Variants in PLEKHM1 observed in about 807,000 individuals in gnomAD.
The protein encoded by PLEKHM1 is pleckstrin homology domain-containing family M member 1.
A neutral mutation model predicts 94.3 loss-of-function variants in PLEKHM1; 28 were observed. The ratio of observed to expected loss-of-function variants is 0.30; its 90% confidence interval spans 0.22 to 0.41. The LOEUF (loss-of-function observed/expected upper bound fraction) is 0.41, where lower values mean the gene tolerates loss of function less well. PLEKHM1 is among the 10% of genes least tolerant of loss of function. The pLI is 1.00. For missense variants in PLEKHM1, 907 were observed against 1,358.6 expected (o/e 0.67, Z 5.22); for synonymous variants, 424 against 581.2 (o/e 0.73, Z 3.89).
chr17:45,453,162 G>T lies in PLEKHM1; in HGVS notation c.2497+193C>A, dbSNP rs1278559367. 4.7e-6 allele frequency: 3 copies of T among 644,788 alleles called. No individual in the cohort carries two copies. Among genetic ancestry groups the T allele is most frequent in the Middle Eastern group, 4.0e-4 (1 of 2,470 alleles). 39.9% of individuals were successfully genotyped at this position (644,788 alleles called of 1,614,324 possible). On this transcript the variant is annotated intron_variant, in intron 7 of 11. Transcript: ENST00000430334. This position sits in a 1 kb window ranked among gnomAD's most constrained non-coding sequence, Gnocchi z 4.1. ...CGGGTGAGCAGGGCCCACTGCCTAT[G>T]AGCAGGGCACTGGCCCCAGCCGGGG...
In PLEKHM1 at chr17:45,468,512, T is replaced by C; in HGVS notation, c.1005A>G (p.Pro335=). ...GLSQETEIPT[P]QASLSLHGLN... is the part of the protein sequence containing the mutation. ...GGCCATGGAGGGAGAGCGAGGCCTGTGGTGTGGGGATCTCTGTTTCTTGGC... is the reference window on the plus strand; with the variant it reads ...GGCCATGGAGGGAGAGCGAGGCCTGCGGTGTGGGGATCTCTGTTTCTTGGC... The change falls in exon 5 of 12, where the codon CCA becomes CCG. Residue 335 remains proline, a synonymous_variant. Coordinates refer to ENST00000430334, the MANE Select transcript of PLEKHM1 (RefSeq NM_014798.3). 1 of 1,614,190 alleles carries C rather than the reference T, an allele frequency of 6.2e-7. No individual in the cohort carries two copies. Among genetic ancestry groups the C allele is most frequent in the Non-Finnish European group, 8.5e-7 (1 of 1,180,026 alleles).
chr17:45,442,696 C>T (rs1793563681), intron 9 of PLEKHM1, among the ~76,000 whole-genome samples: 7 of 152,216 alleles, frequency 4.6e-5, no homozygotes, highest in Admixed American at 4.6e-4. Flanking sequence ...TGAGCCACCG[C>T]ACCTGGTCTT....
At chr17:45,434,854 A>C (rs986880589), downstream of PLEKHM1, among the ~76,000 whole-genome samples, 1 of 151,364 alleles carries the variant, frequency 6.6e-6, no homozygotes, top group African/African-American at 2.4e-5. Context: ...GGGAAGTCTC[A>C]GCTACTCAGG....
At chr17:45,487,971 A>G (rs2052182435) in intron 1 of PLEKHM1, 1 of 355,694 alleles carries the variant, frequency 2.8e-6, no homozygotes, top group Admixed American at 3.7e-5. Flanking sequence ...CTGATTCAGA[A>G]AGGCAGCTGA....
intron 5 of PLEKHM1, among the ~76,000 whole-genome samples, chr17:45,466,788 T>C (rs1409383108): frequency 6.6e-6 from 1 of 152,102 alleles, no homozygotes. Context: ...AATATGAGTA[T>C]AAATTAGCAC....
At chr17:45,451,053 C>A (rs2050760436) in intron 7 of PLEKHM1, among the ~76,000 whole-genome samples, 1 of 149,158 alleles carries the variant, frequency 6.7e-6, no homozygotes, top group African/African-American at 2.5e-5. Flanking sequence ...GCATTCAGAT[C>A]TGGGTTTGGC....
rs1335475278 is a variant in PLEKHM1, at chr17:45,453,755, C to T, written c.2097G>A (p.Met699Ile). 2 of 1,613,978 alleles carry T rather than the reference C, an allele frequency of 1.2e-6. No homozygotes were observed. Among genetic ancestry groups the T allele is most frequent in the Admixed American group, 1.7e-5 (1 of 60,024 alleles). Residue 699 changes from methionine (M) to isoleucine (I), a missense_variant, in exon 7 of 12, where the codon ATG becomes ATA. By Grantham distance (10) the Met-to-Ile change is conservative. Transcript: ENST00000430334. The surrounding 1 kb of genome is among the most constrained non-coding windows in gnomAD (Gnocchi z 4.1). ...CCAAGGACAGAGAAAATATATAGGG[C>T]ATCCAGGTCCTGTCCATGTACAAGT... is the stretch of plus-strand genomic sequence containing the variant. ...LLYLYMDRTWMPYIFSLSLEA... is the reference protein window; with the variant it reads ...LLYLYMDRTWIPYIFSLSLEA...
chr17:45,449,330 C>A (rs571205707), intron 8 of PLEKHM1, among the ~76,000 whole-genome samples: 2 of 151,998 alleles, frequency 1.3e-5, no homozygotes, highest in East Asian at 3.9e-4. Context: ...ACCCATTCAC[C>A]TAACCATCTA....
chr17:45,437,523 G>C lies in PLEKHM1; in HGVS notation c.*335C>G. The C allele has an allele frequency of 1.7e-6, 1 of 576,090 alleles. No individual in the cohort carries two copies. 35.7% of individuals were successfully genotyped at this position (576,090 alleles called of 1,614,324 possible). On this transcript the variant is annotated 3_prime_UTR_variant, in exon 12 of 12. Coordinates refer to ENST00000430334, the MANE Select transcript of PLEKHM1 (RefSeq NM_014798.3). The surrounding 1 kb of genome is among the most constrained non-coding windows in gnomAD (Gnocchi z 4.0). ...ATGTGGAATTGAAAATGCTCCCCAA[G>C]TCCCCTTTCCACAGTGTTTGGGCAG...
intron 2 of PLEKHM1, among the ~76,000 whole-genome samples, chr17:45,482,138 A>G (rs1157611824): frequency 2.0e-5 from 3 of 150,706 alleles, no homozygotes; most frequent in Non-Finnish European, 4.4e-5. Flanking sequence ...CCACCCATTC[A>G]GTGCTTTGGC....
At chr17:45,479,830 T>C (rs1268142351) in intron 2 of PLEKHM1, among the ~76,000 whole-genome samples, 5 of 152,254 alleles carry the variant, frequency 3.3e-5, no homozygotes, top group African/African-American at 9.6e-5. Flanking sequence ...AATAAATGTT[T>C]GTTAAATGAT....
Position 45,447,969 on chromosome 17 carries a change from G to A in PLEKHM1, c.2644-2306C>T, listed in dbSNP as rs1031531951. The A allele has an allele frequency of 2.3e-4, 34 of 148,354 alleles. 1 individual carries two copies. In the Admixed American group the frequency reaches 2.3e-3, roughly 10 times the overall value. The allele number at this position is 148,354 out of a possible 1,614,324, so 9.2% of individuals were successfully genotyped here. A position where few individuals can be genotyped will look rare whatever the true frequency, so the allele number is the denominator to read the frequency against. ...GCGCCACCACGCCCAGCTAATTTTTGTATTTTTTAGTAGAGACAGGGTTTC... is the reference window on the plus strand; with the variant it reads ...GCGCCACCACGCCCAGCTAATTTTTATATTTTTTAGTAGAGACAGGGTTTC... On this transcript the variant is annotated intron_variant, in intron 8 of 11. Coordinates refer to ENST00000430334, the MANE Select transcript of PLEKHM1 (RefSeq NM_014798.3).
chr17:45,440,208 A>G lies in PLEKHM1; in HGVS notation c.2856T>C (p.Tyr952=). Residue 952 remains tyrosine (Y), a synonymous_variant, in exon 10 of 12, where the codon TAT becomes TAC. Transcript: ENST00000430334. ...ELSKRLNHRN[Y]LLESPHRFSV... ...TGAACCTATGCGGAGATTCCAAGAG[A>G]TAATTCCTGTGGTTGAGCCTTCAAA... 1.9e-6 allele frequency: 3 copies of G among 1,614,192 alleles called. No homozygotes were observed. The highest frequency in any genetic ancestry group is 2.7e-5 in the African/African-American group (2 of 75,056).
At chr17:45,470,559 G>T (rs562540873) in intron 4 of PLEKHM1, among the ~76,000 whole-genome samples, 2 of 151,770 alleles carry the variant, frequency 1.3e-5, no homozygotes, top group African/African-American at 4.8e-5. Flanking sequence ...AACCCGGGAC[G>T]GGGAGGCTGC....
Position 45,444,493 on chromosome 17 carries a change from C to T in PLEKHM1, c.2837+977G>A, listed in dbSNP as rs886647709. ...GCTTCCTGAAGGGCATCCTGAGGGC[C>T]CCGCCCGGATCACGTCTTCTTTGGA... On this transcript the variant is annotated intron_variant, in intron 9 of 11. Transcript: ENST00000430334. The surrounding 1 kb of genome is among the most constrained non-coding windows in gnomAD (Gnocchi z 5.0). Among the ~76,000 whole-genome samples the T allele has an allele frequency of 2.6e-5, 4 of 152,210 alleles. No homozygotes were observed. The highest frequency in any genetic ancestry group is 4.4e-5 in the Non-Finnish European group (3 of 68,036).
At chr17:45,440,264 C>T in intron 9 of PLEKHM1, 38 bp from the exon 10 acceptor site, 1 of 1,596,108 alleles carries the variant, frequency 6.3e-7, no homozygotes, top group East Asian at 2.2e-5. Flanking sequence ...AGAAAGGTTT[C>T]CAGAACCCAG....
chr17:45,437,984 G>T lies in PLEKHM1; in HGVS notation c.3060-15C>A, dbSNP rs2145151188. 1 of 1,601,824 alleles carries T rather than the reference G, an allele frequency of 6.2e-7. No individual in the cohort carries two copies. Among genetic ancestry groups the T allele is most frequent in the Non-Finnish European group, 8.5e-7 (1 of 1,170,056 alleles). Reference sequence around the variant, plus strand: ...ACTCGGCACACCTGGGGAGAGAGCAGTAGGCCTGCTGGTGCCGGCTGGGCT... The same window carrying T: ...ACTCGGCACACCTGGGGAGAGAGCATTAGGCCTGCTGGTGCCGGCTGGGCT... On this transcript the variant is annotated splice_polypyrimidine_tract_variant and intron_variant, in intron 11 of 11. Transcript: ENST00000430334. This position sits in a 1 kb window ranked among gnomAD's most constrained non-coding sequence, Gnocchi z 4.0.
intron 1 of PLEKHM1, chr17:45,487,727 C>G: frequency 2.2e-6 from 1 of 456,072 alleles, no homozygotes; most frequent in Non-Finnish European, 4.4e-6. Flanking sequence ...ATGAGACTTA[C>G]GTTAAAAGAA....
In PLEKHM1 at chr17:45,468,265, C is replaced by G; in HGVS notation, c.1252G>C (p.Ala418Pro). The G allele has an allele frequency of 6.2e-7, 1 of 1,613,132 alleles. No homozygotes were observed. The highest frequency in any genetic ancestry group is 2.2e-5 in the East Asian group (1 of 44,874). ...AGACCAGCTCCGTCATGAGCCTGGG[C>G]CTTCTGCAGGCCATTCCCTTGGCCC... ...EVGQGNGLQKAQAHDGAGLKL... is the reference protein window; with the variant it reads ...EVGQGNGLQKPQAHDGAGLKL... The change falls in exon 5 of 12, where the codon GCC becomes CCC. Residue 418 changes from alanine to proline, a missense_variant. Physicochemically the swap from Ala to Pro is conservative, Grantham distance 27. Around this residue, in one of 3 missense-constraint regions of PLEKHM1, gnomAD observed 477 missense variants for 601.5 expected, o/e 0.79. Coordinates refer to ENST00000430334, the MANE Select transcript of PLEKHM1 (RefSeq NM_014798.3).
Sources: gnomAD v4.1 joint callset for allele counts (sites outside exome capture counted in the v4.1 genomes callset) on GRCh38, gnomAD v4.1.1 for gene constraint, gnomAD v4.1.1 regional missense constraint, Gnocchi (gnomAD v3.1) non-coding constraint, MANE v1.5 for transcripts, NCBI Gene and HGNC (gene_info 2026-07-23, HGNC 2026-07-21) for gene names.